Variants in CDH26 observed in about 807,000 individuals in gnomAD.
The protein encoded by CDH26 is cadherin 26.
A neutral mutation model predicts 90.3 loss-of-function variants in CDH26; 83 were observed. The ratio of observed to expected loss-of-function variants is 0.92; its 90% CI spans 0.77 to 1.10. The LOEUF is 1.10. Among genes scored for constraint, CDH26 ranks in the 50% least tolerant of loss-of-function variants. The pLI, the probability that CDH26 is intolerant of heterozygous loss-of-function variation, is 0.00. For synonymous variants in CDH26, 397 were observed against 396.3 expected (o/e 1.00, Z -0.02); for missense variants, 1,013 against 1,037.6 (o/e 0.98, Z 0.33).
rs938866325 is a variant in CDH26 at position 60,012,668 on chromosome 20, T to A, written c.2437T>A (p.Ser813Thr). The A allele has an allele frequency of 1.9e-6, 3 of 1,613,910 alleles. No individual in the cohort carries two copies. The highest frequency in any genetic ancestry group is 2.7e-5 in the African/African-American group (2 of 74,864). Residue 813 changes from serine to threonine, a missense_variant, in exon 18 of 18, where the codon TCT (serine) becomes ACT (threonine). Transcript: ENST00000348616. ...GGAGTTGCAACCTGATTTGCTGGAC[T>A]CTTTGGGTTCAAAAGCGACTCCGTT... The part of the protein sequence containing the change: ...EQELQPDLLD[S>T]LGSKATPFEE...
intron 7 of CDH26, among the ~76,000 whole-genome samples, chr20:60,024,745 A>G (rs560691450): frequency 6.6e-6 from 1 of 152,294 alleles, no homozygotes; most frequent in African/African-American, 2.4e-5. Context: ...CTATCTCCCC[A>G]CCCACTCCCA....
intron 4 of CDH26, 82 bp downstream of exon 4, chr20:59,972,205 G>T: frequency 7.5e-7 from 1 of 1,329,896 alleles, no homozygotes; most frequent in Non-Finnish European, 1.0e-6. Context: ...TATTTAAGCT[G>T]ACTATGTGCC....
At chr20:59,987,691 C>G (rs1182536615) in intron 8 of CDH26, 53 bp downstream of exon 8, 2 of 1,471,572 alleles carry the variant, frequency 1.4e-6, no homozygotes, top group Admixed American at 3.9e-5. Flanking sequence ...GCTGAGGCCT[C>G]TTCTGTAGGA....
At chr20:60,002,761 G>A in intron 15 of CDH26, 52 bp from the exon 16 acceptor site, 1 of 1,417,894 alleles carries the variant, frequency 7.1e-7, no homozygotes, top group Non-Finnish European at 9.8e-7. Flanking sequence ...TTATGTATTT[G>A]CATCCTTTGG....
Position 60,023,111 on chromosome 20 carries a change from G to A in CDH26, c.948-8120G>A, listed in dbSNP as rs117678065. Among the ~76,000 whole-genome samples, 41 of 152,324 alleles carry A rather than the reference G, an allele frequency of 2.7e-4. 1 individual carries two copies. The East Asian group carries it at 7.9e-3, about 29-fold the overall frequency. On this transcript the variant is annotated intron_variant, in intron 7 of 8. Coordinates refer to the CDH26 transcript ENST00000370991. ...TACTGGCTGGAATTAGAATGTGATG[G>A]CTGGAGGTGGGGCAGCCATTCTGGT...
At chr20:59,996,206 G>A in intron 12 of CDH26, 152 bp downstream of exon 12, 2 of 1,010,728 alleles carry the variant, frequency 2.0e-6, no homozygotes, top group Non-Finnish European at 2.8e-6. Context: ...GCTCCTAGAT[G>A]TAGATCAGAG....
chr20:59,982,772 T>C (rs2061409240), intron 4 of CDH26, 151 bp from the exon 5 acceptor site: 1 of 811,770 alleles, frequency 1.2e-6, no homozygotes, highest in South Asian at 1.8e-5. Context: ...CTGGGGTACT[T>C]GGTAAATGAG....
rs144755899 is a variant in CDH26, at chr20:59,970,142, C to A, written c.187C>A (p.Leu63Met). Residue 63 changes from leucine to methionine, a missense_variant, in exon 3 of 18, where the codon CTG (leucine) becomes ATG (methionine). Leu to Met is a conservative substitution (Grantham distance 15, BLOSUM62 2). Transcript: ENST00000348616. ...AAGATGGGTTATCACCACCTTGGAG[C>A]TGGAGGAGGAAGACCCGGGACCCTT... Reference protein sequence around the residue: ...KRRWVITTLELEEEDPGPFPK... With the variant: ...KRRWVITTLEMEEEDPGPFPK... 8.6e-4 allele frequency: 1,390 copies of A among 1,614,056 alleles called. 12 individuals carry two copies. In the Middle Eastern group the frequency reaches 0.028, roughly 32 times the overall value.
At chr20:60,033,560 G>A (rs150025617) in exon 9 of CDH26, 2 of 1,304,500 alleles carry the variant, frequency 1.5e-6, no homozygotes, top group African/African-American at 1.5e-5. Context: ...TGAACAAGGT[G>A]GGGTTCGAGT....
chr20:59,972,491 C>T (rs1285703922), intron 4 of CDH26, among the ~76,000 whole-genome samples: 2 of 152,156 alleles, frequency 1.3e-5, no homozygotes, highest in East Asian at 1.9e-4. Context: ...ATAACAGACC[C>T]AATGGGTTGC....
Position 59,992,422 on chromosome 20 carries a change from A to G in CDH26, c.1328A>G (p.Lys443Arg). The change falls in exon 10 of 18, where the codon AAA (lysine) becomes AGA (arginine). Residue 443 changes from lysine to arginine, a missense_variant. Physicochemically the swap from Lys to Arg is conservative, Grantham distance 26 (BLOSUM62 2). Transcript: ENST00000348616. This position sits in a 1 kb window ranked among gnomAD's most constrained non-coding sequence, Gnocchi z 5.0. Reference protein sequence around the residue: ...HDPANWVSVDKNSGVVITVEP... With the variant: ...HDPANWVSVDRNSGVVITVEP... The stretch of plus-strand genomic sequence containing the variant: ...CCAGCAAATTGGGTCAGCGTCGACA[A>G]AAACTCCGGAGTGGTCATCACCGTG... The G allele has an allele frequency of 6.2e-7, 1 of 1,614,172 alleles. No homozygotes were observed. Among genetic ancestry groups the G allele is most frequent in the Non-Finnish European group, 8.5e-7 (1 of 1,180,034 alleles).
At chr20:60,035,234 C>T (rs928884151), downstream of CDH26, among the ~76,000 whole-genome samples, 1 of 152,192 alleles carries the variant, frequency 6.6e-6, no homozygotes, top group Non-Finnish European at 1.5e-5. Context: ...CTACAACAAA[C>T]AGTCCTGCTG....
At chr20:59,989,284 T>G (rs1327376957) in intron 9 of CDH26, 121 bp downstream of exon 9, 1 of 1,298,036 alleles carries the variant, frequency 7.7e-7, no homozygotes, top group Non-Finnish European at 1.1e-6. Flanking sequence ...ATCCCAGCGC[T>G]TTGGGAGGCC....
At chr20:60,001,135 C>T (rs1048536519) in intron 14 of CDH26, among the ~76,000 whole-genome samples, 2 of 152,162 alleles carry the variant, frequency 1.3e-5, no homozygotes, top group Admixed American at 1.3e-4. Flanking sequence ...CCATGCGGTT[C>T]CATTGTGCCT....
At chr20:59,968,624 T>A (rs2061209473) in intron 1 of CDH26, among the ~76,000 whole-genome samples, 1 of 152,198 alleles carries the variant, frequency 6.6e-6, no homozygotes, top group African/African-American at 2.4e-5. Flanking sequence ...TAATATTTGG[T>A]GTTATTTTAC....
chr20:59,993,028 A>T (rs1034236461), intron 10 of CDH26, among the ~76,000 whole-genome samples: 1 of 152,230 alleles, frequency 6.6e-6, no homozygotes, highest in Non-Finnish European at 1.5e-5. Flanking sequence ...AAATGTTCAA[A>T]TAACTTTAAA....
intron 11 of CDH26, among the ~76,000 whole-genome samples, chr20:59,994,888 G>T (rs1310005919): frequency 6.6e-6 from 1 of 152,168 alleles, no homozygotes; most frequent in African/African-American, 2.4e-5. Context: ...GCCCACACCT[G>T]GACCTTGTTG....
chr20:60,011,301 G>A (rs1417658941), intron 17 of CDH26, among the ~76,000 whole-genome samples: 1 of 152,200 alleles, frequency 6.6e-6, no homozygotes, highest in Non-Finnish European at 1.5e-5. Flanking sequence ...TGTCACTACT[G>A]TCACGCTTGT....
In CDH26 at chr20:60,013,897, A is replaced by C. The variant is rs546493332; in HGVS notation, c.*1167A>C. The C allele has an allele frequency of 2.0e-5, 3 of 152,214 alleles. No homozygotes were observed. The highest frequency in any genetic ancestry group is 4.4e-5 in the Non-Finnish European group (3 of 68,042). The allele number at this position is 152,214 out of a possible 1,614,324, so 9.4% of individuals were successfully genotyped here. A position where few individuals can be genotyped will look rare whatever the true frequency, so the allele number is the denominator to read the frequency against. On this transcript the variant is annotated 3_prime_UTR_variant, in exon 18 of 18. Coordinates refer to ENST00000348616, the MANE Select transcript of CDH26 (RefSeq NM_177980.4). ...GAAGCTGAAAAAGAAGAAAAATCAC[A>C]TTTAAAGCACTGGAATGTCTGAATG...
Sources: allele counts gnomAD v4.1 joint callset (sites outside exome capture counted in the v4.1 genomes callset), GRCh38; gene constraint gnomAD v4.1.1; non-coding constraint Gnocchi (gnomAD v3.1); transcripts MANE v1.5; gene names NCBI Gene and HGNC (gene_info 2026-07-23, HGNC 2026-07-21).